The following DPY19L1 variants were observed in gnomAD, a reference collection of about 807,000 sequenced individuals.
DPY19L1 encodes protein C-mannosyl-transferase DPY19L1.
A neutral mutation model predicts 96.9 loss-of-function variants in DPY19L1; 35 were observed. That is an observed-to-expected ratio of 0.36 (90% CI 0.28 to 0.48). DPY19L1 has a LOEUF of 0.48. Among genes scored for constraint, DPY19L1 ranks in the 20% least tolerant of loss-of-function variants. The pLI, the probability that DPY19L1 is intolerant of heterozygous loss-of-function variation, is 0.99. For missense variants in DPY19L1, 521 were observed against 777.9 expected (o/e 0.67, Z 3.93); for synonymous variants, 205 against 252.6 (o/e 0.81, Z 1.79).
At position 34,973,624 on chromosome 7, in the gene DPY19L1, AG is replaced by A. The variant is rs1784773845; in HGVS notation, c.823-20del. On this transcript the variant is annotated intron_variant, in intron 7 of 21. Transcript: ENST00000638088. ...GGGTACACTGAAAAAAAAAATTTGT[AG>A]TATAGTATACTTGCTAAATTTACTA... 7.3e-7 allele frequency: 1 copy of A among 1,374,164 alleles called. No homozygotes were observed. The highest frequency in any genetic ancestry group is 2.7e-5 in the Admixed American group (1 of 37,014). The allele number at this position is 1,374,164 out of a possible 1,614,324, so 85.1% of individuals were successfully genotyped here. A position where few individuals can be genotyped will look rare whatever the true frequency, so the allele number is the denominator to read the frequency against.
At chr7:34,987,439 G>C (rs1226928221) in intron 7 of DPY19L1, among the ~76,000 whole-genome samples, 1 of 151,876 alleles carries the variant, frequency 6.6e-6, no homozygotes, top group African/African-American at 2.4e-5. Context: ...TAAATAATTT[G>C]TTCAGGCAAA....
chr7:35,027,409 T>C (rs1584263928), intron 1 of DPY19L1, among the ~76,000 whole-genome samples: 3 of 152,074 alleles, frequency 2.0e-5, no homozygotes, highest in African/African-American at 7.2e-5. Context: ...CTTGGTAGGT[T>C]TGGCAGTTTT....
intron 9 of DPY19L1, 105 bp from the exon 10 acceptor site, chr7:34,967,076 G>A: frequency 2.6e-6 from 2 of 781,070 alleles, no homozygotes; most frequent in African/African-American, 1.9e-5. Flanking sequence ...TACACACAGA[G>A]TGAGTTCTTC....
At chr7:34,959,640 C>T (rs1483516485) in intron 10 of DPY19L1, among the ~76,000 whole-genome samples, 1 of 151,128 alleles carries the variant, frequency 6.6e-6, no homozygotes, top group African/African-American at 2.4e-5. Context: ...TGCATGTCCT[C>T]ACTCATAACT....
chr7:35,005,733 C>G (rs909608903), intron 6 of DPY19L1, among the ~76,000 whole-genome samples: 5 of 151,378 alleles, frequency 3.3e-5, no homozygotes, highest in Admixed American at 3.3e-4. Flanking sequence ...ATTGCTTGAA[C>G]CCGGGAGGTG....
At chr7:34,950,576 AGAG>A (rs1784248839) in intron 13 of DPY19L1, among the ~76,000 whole-genome samples, 1 of 152,226 alleles carries the variant, frequency 6.6e-6, no homozygotes, top group Admixed American at 6.5e-5. Flanking sequence ...ACCAAAGAAA[AGAG>A]GAGAAATTAT....
intron 7 of DPY19L1, among the ~76,000 whole-genome samples, chr7:34,986,286 G>C (rs1268484873): frequency 6.6e-6 from 1 of 151,956 alleles, no homozygotes; most frequent in Admixed American, 6.6e-5. Flanking sequence ...AAATTGCTAA[G>C]AGATTTTTAG....
chr7:34,989,804 A>C (rs1785128737), intron 7 of DPY19L1, 80 bp downstream of exon 7: 2 of 1,172,242 alleles, frequency 1.7e-6, no homozygotes, highest in Non-Finnish European at 2.4e-6. Flanking sequence ...AAACATTTAA[A>C]GAATGCCATT....
chr7:34,951,505 T>C (rs1319520986), intron 13 of DPY19L1, among the ~76,000 whole-genome samples: 1 of 151,980 alleles, frequency 6.6e-6, no homozygotes, highest in African/African-American at 2.4e-5. Context: ...CTTAACCTTT[T>C]AAAAAATCAC....
At chr7:34,978,488 G>A (rs1784874458) in intron 7 of DPY19L1, among the ~76,000 whole-genome samples, 1 of 152,136 alleles carries the variant, frequency 6.6e-6, no homozygotes, top group South Asian at 2.1e-4. Context: ...GAATCCTGCT[G>A]TCCACATAGT....
At chr7:34,959,931 A>ATATATAAATATATATATTTATT (rs1294794616) in intron 10 of DPY19L1, among the ~76,000 whole-genome samples, 44 of 81,358 alleles carry the variant, frequency 5.4e-4, no homozygotes, top group Non-Finnish European at 1.2e-3. Flanking sequence ...ATATTTATAT[A>ATATATAAATATATATATTTATT]TATATATATA....
chr7:34,942,998 G>A lies in DPY19L1; in HGVS notation c.1545-359C>T, dbSNP rs560522789. On this transcript the variant is annotated intron_variant, in intron 16 of 21. Transcript: ENST00000638088. ...GCAACCAAGTAGAGATAACAAATAC[G>A]TGGTTATATGTGTAAATCTGAGTTC... Among the ~76,000 whole-genome samples the A allele has an allele frequency of 1.2e-4, 19 of 152,314 alleles. 1 individual carries two copies. The South Asian group carries it at 2.7e-3, about 22-fold the overall frequency.
chr7:34,946,884 C>T (rs1784159123), intron 15 of DPY19L1, among the ~76,000 whole-genome samples: 1 of 152,180 alleles, frequency 6.6e-6, no homozygotes, highest in Non-Finnish European at 1.5e-5. Flanking sequence ...TGAAAATGTT[C>T]TATACAAAGC....
chr7:34,999,256 G>T (rs1217283186), intron 6 of DPY19L1, among the ~76,000 whole-genome samples: 1 of 152,084 alleles, frequency 6.6e-6, no homozygotes, highest in African/African-American at 2.4e-5. Context: ...ACTAATGGTA[G>T]AATAGCACCA....
intron 7 of DPY19L1, among the ~76,000 whole-genome samples, chr7:34,989,644 CAAAA>C (rs375852661): frequency 6.8e-5 from 10 of 146,520 alleles, no homozygotes; most frequent in African/African-American, 2.3e-4. Flanking sequence ...ACAACAACAA[CAAAA>C]AAAAAAAACA....
chr7:34,939,093 T>C, intron 20 of DPY19L1, 183 bp downstream of exon 20: 1 of 504,122 alleles, frequency 2.0e-6, no homozygotes, highest in East Asian at 3.3e-5. Flanking sequence ...TTTCCTGCCC[T>C]GTGAAGCTTT....
chr7:34,962,839 G>C (rs1202866560), intron 10 of DPY19L1, among the ~76,000 whole-genome samples: 3 of 152,242 alleles, frequency 2.0e-5, no homozygotes, highest in South Asian at 2.1e-4. Flanking sequence ...TCAATAGAGG[G>C]GTAGGTTGTG....
chr7:34,980,008 C>T (rs1784906382), intron 7 of DPY19L1, among the ~76,000 whole-genome samples: 1 of 152,050 alleles, frequency 6.6e-6, no homozygotes, highest in Non-Finnish European at 1.5e-5. Context: ...AGATATTGAA[C>T]TTATAAAGCT....
chr7:34,937,965 T>C (rs758590365), intron 21 of DPY19L1, 29 bp downstream of exon 21: 2 of 1,606,230 alleles, frequency 1.2e-6, no homozygotes, highest in South Asian at 1.1e-5. Context: ...GTCTTATGAT[T>C]ATAAAATGTT....
Sources: allele counts gnomAD v4.1 joint callset (sites outside exome capture counted in the v4.1 genomes callset), GRCh38; gene constraint gnomAD v4.1.1; transcripts MANE v1.5; gene names NCBI Gene and HGNC (gene_info 2026-07-23, HGNC 2026-07-21).